The following SPATA16 variants were observed in gnomAD, a reference collection of about 807,000 sequenced individuals.
SPATA16 encodes spermatogenesis-associated protein 16.
A neutral mutation model predicts 63.3 loss-of-function variants in SPATA16; 36 were observed. The ratio of observed to expected loss-of-function variants is 0.57; its 90% CI spans 0.44 to 0.75. The LOEUF (loss-of-function observed/expected upper bound fraction) is 0.75. Among genes scored for constraint, SPATA16 ranks in the 30% least tolerant of loss-of-function variants. SPATA16 has a pLI of 0.00. For synonymous variants in SPATA16, 203 were observed against 216.7 expected, an observed-to-expected ratio of 0.94 and a Z score of 0.56; for missense variants, 646 against 679.3, an observed-to-expected ratio of 0.95 and a Z score of 0.54.
intron 6 of SPATA16, among the ~76,000 whole-genome samples, chr3:172,939,089 G>T (rs1733082444): frequency 6.6e-6 from 1 of 152,076 alleles, no homozygotes; most frequent in Non-Finnish European, 1.5e-5. Flanking sequence ...AAGATATCCT[G>T]CCCTTTTAGG....
intron 3 of SPATA16, among the ~76,000 whole-genome samples, chr3:173,020,841 A>T (rs959041822): frequency 2.0e-5 from 3 of 152,202 alleles, no homozygotes; most frequent in African/African-American, 7.2e-5. Flanking sequence ...TTATTAAGCA[A>T]CATTTTGTGA....
intron 3 of SPATA16, among the ~76,000 whole-genome samples, chr3:173,031,521 C>G (rs1170284035): frequency 6.6e-6 from 1 of 152,054 alleles, no homozygotes. Flanking sequence ...TCTGTGTTCT[C>G]AGTAACAGAT....
At chr3:172,948,719 C>T (rs573877691) in intron 6 of SPATA16, among the ~76,000 whole-genome samples, 45 of 152,224 alleles carry the variant, frequency 3.0e-4, no homozygotes, top group African/African-American at 1.1e-3. Flanking sequence ...TCTCCCACCT[C>T]GGCTTCCAAA....
At chr3:173,113,419 C>T (rs541555401) in intron 2 of SPATA16, among the ~76,000 whole-genome samples, 1 of 152,256 alleles carries the variant, frequency 6.6e-6, no homozygotes, top group South Asian at 2.1e-4. Context: ...CCAATTTTAC[C>T]CACATAACTG....
At chr3:173,103,676 T>C (rs552200345) in intron 2 of SPATA16, among the ~76,000 whole-genome samples, 6 of 152,352 alleles carry the variant, frequency 3.9e-5, no homozygotes, top group African/African-American at 1.2e-4. Context: ...CTCCAGGGCC[T>C]CAAGGCCTGT....
chr3:173,088,026 CTTT>C (rs1737110366), intron 2 of SPATA16, among the ~76,000 whole-genome samples: 1 of 120,530 alleles, frequency 8.3e-6, no homozygotes, highest in Non-Finnish European at 1.8e-5. Context: ...TTCTTTCTTT[CTTT>C]CTTTCTTTCT....
At chr3:173,016,015 A>C (rs543824826) in intron 4 of SPATA16, among the ~76,000 whole-genome samples, 27 of 152,274 alleles carry the variant, frequency 1.8e-4, no homozygotes, top group Non-Finnish European at 3.4e-4. Context: ...TTTCTATTTC[A>C]GTTAAAGCTT....
intron 2 of SPATA16, among the ~76,000 whole-genome samples, chr3:173,095,016 A>C (rs573932021): frequency 6.6e-6 from 1 of 152,274 alleles, no homozygotes; most frequent in East Asian, 1.9e-4. Context: ...TCTACTGCTA[A>C]ATAGGCATTG....
At chr3:173,041,454 C>G (rs1735838183) in intron 3 of SPATA16, among the ~76,000 whole-genome samples, 1 of 152,062 alleles carries the variant, frequency 6.6e-6, no homozygotes. Flanking sequence ...AAATGAATGG[C>G]AGTATCATCA....
intron 1 of SPATA16, among the ~76,000 whole-genome samples, chr3:173,128,124 A>G (rs1421158278): frequency 1.3e-5 from 2 of 152,200 alleles, no homozygotes; most frequent in African/African-American, 4.8e-5. Flanking sequence ...CGGCACATCC[A>G]TATTTAGTGG....
At chr3:172,930,271 G>T (rs1732838658) in intron 6 of SPATA16, among the ~76,000 whole-genome samples, 1 of 152,148 alleles carries the variant, frequency 6.6e-6, no homozygotes. Context: ...TCCTTTCCTG[G>T]CATTCAAGGC....
intron 1 of SPATA16, among the ~76,000 whole-genome samples, chr3:173,137,416 A>G (rs1738575476): frequency 6.6e-6 from 1 of 152,178 alleles, no homozygotes. Flanking sequence ...AAAGAACAAA[A>G]TCAGATGACC....
intron 2 of SPATA16, among the ~76,000 whole-genome samples, chr3:173,084,455 C>T (rs1255135012): frequency 6.6e-6 from 1 of 151,980 alleles, no homozygotes; most frequent in Non-Finnish European, 1.5e-5. Context: ...AAATTTTCTC[C>T]CATTCTGTAG....
At chr3:173,018,030 A>G (rs940981270) in intron 4 of SPATA16, among the ~76,000 whole-genome samples, 2 of 152,236 alleles carry the variant, frequency 1.3e-5, no homozygotes, top group Non-Finnish European at 2.9e-5. Flanking sequence ...AGTACCTTAG[A>G]TAAAACACAT....
chr3:172,960,383 C>T (rs1366233936), intron 5 of SPATA16, among the ~76,000 whole-genome samples: 1 of 152,160 alleles, frequency 6.6e-6, no homozygotes, highest in Non-Finnish European at 1.5e-5. Context: ...TATGCTTTCT[C>T]TGCTGTTACT....
In SPATA16 at chr3:173,069,112, G is replaced by GAA. The variant is rs541801266; in HGVS notation, c.613-20020_613-20019dup. Among the ~76,000 whole-genome samples, 145 of 109,150 alleles carry GAA rather than the reference G, an allele frequency of 1.3e-3. 6 individuals are homozygous for GAA. The highest frequency in any genetic ancestry group is 4.1e-3 in the African/African-American group (113 of 27,384). 71.6% of individuals were successfully genotyped at this position (109,150 alleles called of 152,430 possible). A position where few individuals can be genotyped will look rare whatever the true frequency, so the allele number is the denominator to read the frequency against. ...GCAGCAGTACGAGACTCCGTCTCAA[G>GAA]AAAAAAAAAAAAAAGAAAGAAAGAA... On this transcript the variant is annotated intron_variant, in intron 2 of 10. Coordinates refer to ENST00000351008, the MANE Select transcript of SPATA16 (RefSeq NM_031955.6).
chr3:173,121,994 TA>T (rs1157933722), intron 1 of SPATA16, among the ~76,000 whole-genome samples: 3 of 152,192 alleles, frequency 2.0e-5, no homozygotes, highest in African/African-American at 7.2e-5. Flanking sequence ...ATTACTTCAA[TA>T]AAAATACTTA....
Position 172,924,309 on chromosome 3 carries a change from T to C in SPATA16, c.1237A>G (p.Thr413Ala). ...TCTTCTCTGGTCAGACCGAAAGGTG[T>C]TTTATGCTCTAAAAATTGTAACAAT... ...RKLPIFTEHK[T>A]PFGLTREDTV... The change falls in exon 8 of 11, where the codon ACA (threonine) becomes GCA (alanine). Residue 413 changes from threonine (T) to alanine (A), a missense_variant. Physicochemically the swap from Thr to Ala is moderately conservative, Grantham distance 58. Coordinates refer to ENST00000351008, the MANE Select transcript of SPATA16 (RefSeq NM_031955.6). 6.2e-7 allele frequency: 1 copy of C among 1,611,714 alleles called. No individual in the cohort carries two copies. The highest frequency in any genetic ancestry group is 8.5e-7 in the Non-Finnish European group (1 of 1,178,556).
chr3:172,942,142 G>A (rs1011072174), intron 6 of SPATA16, among the ~76,000 whole-genome samples: 3 of 152,022 alleles, frequency 2.0e-5, no homozygotes, highest in African/African-American at 7.2e-5. Flanking sequence ...TATTTGTCAG[G>A]CACTATTTAA....
Sources: allele counts gnomAD v4.1 joint callset (sites outside exome capture counted in the v4.1 genomes callset), GRCh38; gene constraint gnomAD v4.1.1; transcripts MANE v1.5; gene names NCBI Gene and HGNC (gene_info 2026-07-23, HGNC 2026-07-21).